Variants in ARID2 observed in about 807,000 individuals in gnomAD.
ARID2 encodes AT-rich interactive domain-containing protein 2.
In ARID2, 32 loss-of-function variants were observed where a neutral mutation model predicts 184.6. The ratio of observed to expected loss-of-function variants is 0.17; its 90% CI spans 0.13 to 0.23. The LOEUF is 0.23. ARID2 is among the 10% of genes least tolerant of loss of function. The pLI, the probability that ARID2 is intolerant of heterozygous loss-of-function variation, is 1.00. For synonymous variants in ARID2, 836 were observed against 772.6 expected, an observed-to-expected ratio of 1.08 and a Z score of -1.36; for missense variants, 1,696 against 2,197.6, an observed-to-expected ratio of 0.77 and a Z score of 4.56.
intron 16 of ARID2, among the ~76,000 whole-genome samples, chr12:45,874,791 A>T (rs919801228): frequency 6.6e-6 from 1 of 152,180 alleles, no homozygotes; most frequent in African/African-American, 2.4e-5. Flanking sequence ...CTATCCATGG[A>T]ATTACTATCT....
intron 3 of ARID2, among the ~76,000 whole-genome samples, chr12:45,800,044 T>A (rs568417699): frequency 6.6e-6 from 1 of 152,152 alleles, no homozygotes; most frequent in Non-Finnish European, 1.5e-5. Context: ...GAGATGGGGG[T>A]CTCACTATGT....
chr12:45,866,505 C>T (rs1469064571), intron 16 of ARID2, among the ~76,000 whole-genome samples: 1 of 152,124 alleles, frequency 6.6e-6, no homozygotes, highest in Non-Finnish European at 1.5e-5. Context: ...ATTGCTGAGT[C>T]AGGGGATTTA....
In ARID2 at chr12:45,846,780, A is replaced by G; in HGVS notation, c.1499-76A>G. 3.7e-6 allele frequency: 5 copies of G among 1,364,618 alleles called. No homozygotes were observed. The South Asian group carries it at 6.0e-5, about 16-fold the overall frequency. 84.5% of individuals were successfully genotyped at this position (1,364,618 alleles called of 1,614,324 possible). A position where few individuals can be genotyped will look rare whatever the true frequency, so the allele number is the denominator to read the frequency against. ...GGTATTCATTGTGTTAATGGGTTCA[A>G]TATCCATAAAAAAAAGTATGGCAAA... On this transcript the variant is annotated intron_variant, in intron 11 of 20. Transcript: ENST00000334344.
intron 3 of ARID2, among the ~76,000 whole-genome samples, chr12:45,739,331 A>G (rs1280750977): frequency 6.7e-6 from 1 of 150,112 alleles, no homozygotes; most frequent in East Asian, 2.0e-4. Flanking sequence ...CATAGTTGCT[A>G]TTCATCTTAT....
intron 3 of ARID2, among the ~76,000 whole-genome samples, chr12:45,732,173 AAGTT>A (rs999920599): frequency 6.6e-6 from 1 of 151,862 alleles, no homozygotes; most frequent in East Asian, 1.9e-4. Flanking sequence ...AGAGGATCCT[AAGTT>A]AGTTGGTGTT....
intron 16 of ARID2, among the ~76,000 whole-genome samples, chr12:45,889,829 T>C (rs939736143): frequency 6.6e-6 from 1 of 152,164 alleles, no homozygotes; most frequent in Non-Finnish European, 1.5e-5. Context: ...TCCCAGCTAC[T>C]TGGGAGGCTG....
chr12:45,844,682 A>T (rs1382722691), intron 11 of ARID2, among the ~76,000 whole-genome samples: 1 of 152,228 alleles, frequency 6.6e-6, no homozygotes, highest in East Asian at 1.9e-4. Context: ...TGTGCTAGGC[A>T]TTATTTTAAG....
chr12:45,737,676 A>G (rs887433418), intron 3 of ARID2, among the ~76,000 whole-genome samples: 11 of 152,092 alleles, frequency 7.2e-5, no homozygotes, highest in Admixed American at 3.3e-4. Flanking sequence ...GTATTTCCAA[A>G]AAGTGCTCCA....
intron 3 of ARID2, among the ~76,000 whole-genome samples, chr12:45,791,855 C>G (rs1275938363): frequency 6.6e-6 from 1 of 152,218 alleles, no homozygotes; most frequent in Non-Finnish European, 1.5e-5. Context: ...GTTTGTATTA[C>G]AGATTGAATT....
chr12:45,810,130 A>AG (rs2138080368), intron 3 of ARID2, among the ~76,000 whole-genome samples: 1 of 152,362 alleles, frequency 6.6e-6, no homozygotes, highest in South Asian at 2.1e-4. Context: ...AATGTAAGTC[A>AG]TTATATATCA....
chr12:45,803,988 A>G (rs934352156), intron 3 of ARID2, among the ~76,000 whole-genome samples: 1 of 151,964 alleles, frequency 6.6e-6, no homozygotes, highest in Non-Finnish European at 1.5e-5. Flanking sequence ...GATGAGTAAC[A>G]TATGGAGTGC....
intron 3 of ARID2, among the ~76,000 whole-genome samples, chr12:45,774,061 C>G (rs564912833): frequency 1.3e-5 from 2 of 152,218 alleles, no homozygotes; most frequent in African/African-American, 4.8e-5. Flanking sequence ...AAACTTTTAA[C>G]TTCCTTAAAA....
chr12:45,777,291 G>T (rs1464710554), intron 3 of ARID2, among the ~76,000 whole-genome samples: 1 of 151,996 alleles, frequency 6.6e-6, no homozygotes, highest in East Asian at 1.9e-4. Context: ...TGGTAGAAAA[G>T]AATTCCAGAT....
chr12:45,750,151 TC>T (rs1252304821), intron 3 of ARID2, among the ~76,000 whole-genome samples: 2 of 152,200 alleles, frequency 1.3e-5, no homozygotes, highest in African/African-American at 2.4e-5. Context: ...ATGCAACTCT[TC>T]CTTTCACTTG....
chr12:45,905,902 A>G lies in ARID2; in HGVS notation c.*824A>G, dbSNP rs964062841. ...CAAAGGTACTGATGCTGTAAAGTCA[A>G]AACAGTTTTGTGGAACTGTGATTTT... On this transcript the variant is annotated 3_prime_UTR_variant, in exon 21 of 21. Transcript: ENST00000334344. 1 of 232,750 alleles carries G rather than the reference A, an allele frequency of 4.3e-6. No homozygotes were observed. Among genetic ancestry groups the G allele is most frequent in the Admixed American group, 5.6e-5 (1 of 17,748 alleles). The allele number at this position is 232,750 out of a possible 1,614,324, so 14.4% of individuals were successfully genotyped here.
intron 3 of ARID2, among the ~76,000 whole-genome samples, chr12:45,807,746 G>C (rs2138076886): frequency 6.6e-6 from 1 of 152,218 alleles, no homozygotes; most frequent in East Asian, 1.9e-4. Context: ...TACATGATCA[G>C]TTTTAAAATT....
intron 16 of ARID2, among the ~76,000 whole-genome samples, chr12:45,866,531 G>A (rs1319651258): frequency 1.3e-5 from 2 of 152,064 alleles, no homozygotes; most frequent in African/African-American, 2.4e-5. Context: ...TTTTATTTTT[G>A]TAGAAGTACC....
At chr12:45,778,530 A>AG (rs1282958171) in intron 3 of ARID2, among the ~76,000 whole-genome samples, 1 of 152,136 alleles carries the variant, frequency 6.6e-6, no homozygotes, top group Non-Finnish European at 1.5e-5. Context: ...AGAGAGAGTA[A>AG]TAATAAGAAA....
chr12:45,754,529 T>G (rs964529169), intron 3 of ARID2, among the ~76,000 whole-genome samples: 1 of 152,270 alleles, frequency 6.6e-6, no homozygotes, highest in African/African-American at 2.4e-5. Context: ...ATGTGCCATT[T>G]TCCCTGTCTG....
Sources: gnomAD v4.1 joint callset for allele counts (sites outside exome capture counted in the v4.1 genomes callset) on GRCh38, gnomAD v4.1.1 for gene constraint, MANE v1.5 for transcripts, NCBI Gene and HGNC (gene_info 2026-07-23, HGNC 2026-07-21) for gene names.